IQCK: variants seen among roughly 807,000 people sequenced by gnomAD.
The protein encoded by IQCK is IQ domain-containing protein K.
A neutral mutation model predicts 28.1 loss-of-function variants in IQCK; 29 were observed. The observed-to-expected ratio is 1.03, with a 90% CI of 0.77 to 1.41. The LOEUF (loss-of-function observed/expected upper bound fraction) is 1.41, where lower values mean the gene tolerates loss of function less well. IQCK is among the 40% of genes most tolerant of loss of function. The probability of loss-of-function intolerance (pLI) is 0.00; values close to 1 mark genes in which losing one functional copy is unlikely to be tolerated. For synonymous variants in IQCK, 113 were observed against 115.1 expected, an observed-to-expected ratio of 0.98 and a Z score of 0.12; for missense variants, 359 against 314.7, an observed-to-expected ratio of 1.14 and a Z score of -1.07.
chr16:19,725,288 C>T (rs1344782563), intron 1 of IQCK, among the ~76,000 whole-genome samples: 1 of 152,092 alleles, frequency 6.6e-6, no homozygotes, highest in African/African-American at 2.4e-5. Context: ...CCTCAACCTC[C>T]CAGGCTCAGG....
chr16:19,810,797 C>T (rs1022338156), intron 7 of IQCK, among the ~76,000 whole-genome samples: 2 of 147,158 alleles, frequency 1.4e-5, no homozygotes, highest in Non-Finnish European at 3.0e-5. Flanking sequence ...CAGAGCAAGA[C>T]TCCAGCAAAA....
intron 9 of IQCK, among the ~76,000 whole-genome samples, chr16:19,842,028 TAG>T (rs1159458820): frequency 2.0e-5 from 3 of 152,114 alleles, no homozygotes; most frequent in Non-Finnish European, 4.4e-5. Context: ...GTATTTTTAG[TAG>T]AGACAGGGTT....
At chr16:19,738,188 C>G (rs2054782814) in intron 4 of IQCK, among the ~76,000 whole-genome samples, 1 of 152,054 alleles carries the variant, frequency 6.6e-6, no homozygotes, top group Non-Finnish European at 1.5e-5. Context: ...TAGAGTTGGC[C>G]CTTGATAAAT....
intron 9 of IQCK, among the ~76,000 whole-genome samples, chr16:19,844,641 C>T (rs896446105): frequency 2.0e-5 from 3 of 152,136 alleles, no homozygotes; most frequent in African/African-American, 7.2e-5. Flanking sequence ...TGAAAACGTT[C>T]GTGTTTTCTT....
At chr16:19,722,959 G>C (rs1296618059) in intron 1 of IQCK, among the ~76,000 whole-genome samples, 5 of 152,044 alleles carry the variant, frequency 3.3e-5, no homozygotes, top group Non-Finnish European at 7.4e-5. Flanking sequence ...TGATCCACCC[G>C]CCTCAGCCTC....
At chr16:19,826,174 TTTTG>T (rs894643490) in intron 7 of IQCK, among the ~76,000 whole-genome samples, 1 of 151,974 alleles carries the variant, frequency 6.6e-6, no homozygotes, top group African/African-American at 2.4e-5. Context: ...ACCCAGCTAA[TTTTG>T]TTTATTTTTT....
At chr16:19,739,102 C>T (rs1011658813) in intron 4 of IQCK, among the ~76,000 whole-genome samples, 2 of 152,192 alleles carry the variant, frequency 1.3e-5, no homozygotes, top group African/African-American at 2.4e-5. Context: ...GCAGCTTTCC[C>T]TCCTCTCTTA....
intron 7 of IQCK, among the ~76,000 whole-genome samples, chr16:19,791,689 AC>A (rs1386227422): frequency 6.9e-6 from 1 of 144,504 alleles, no homozygotes; most frequent in Non-Finnish European, 1.5e-5. Flanking sequence ...ATACCAACAA[AC>A]GCTGCCATAT....
rs186923130 is a variant in IQCK, at chr16:19,722,078, G to C, written c.181+3591G>C. 2.2e-4 allele frequency among the ~76,000 whole-genome samples: 33 copies of C among 152,172 alleles called. No homozygotes were observed. In the East Asian group the frequency reaches 6.0e-3, roughly 28 times the overall value. The stretch of plus-strand genomic sequence containing the variant: ...TTCCTCCAGCACAGCCACTGAGCCA[G>C]CTGAAGAAAGATGACCCCAACTGGC... On this transcript the variant is annotated intron_variant, in intron 1 of 7. Transcript: ENST00000564186.
intron 7 of IQCK, among the ~76,000 whole-genome samples, chr16:19,807,396 C>A (rs769310271): frequency 6.6e-6 from 1 of 152,196 alleles, no homozygotes; most frequent in Non-Finnish European, 1.5e-5. Flanking sequence ...GAGACCAATA[C>A]AATAACTCAG....
rs62025021 is a variant in IQCK at position 19,781,914 on chromosome 16, G to A, written c.606-6924G>A. Among the ~76,000 whole-genome samples the A allele has an allele frequency of 2.0e-3, 304 of 152,100 alleles. 3 individuals are homozygous for A. The highest frequency in any genetic ancestry group is 7.0e-3 in the African/African-American group (290 of 41,478). Reference sequence around the variant, plus strand: ...TGAGGAAGGAGAATTACTTGAACCCGGGAGGCAGAGGATGCAGTGAGCCGA... The same window carrying A: ...TGAGGAAGGAGAATTACTTGAACCCAGGAGGCAGAGGATGCAGTGAGCCGA... On this transcript the variant is annotated intron_variant, in intron 6 of 7. Transcript: ENST00000564186.
At chr16:19,762,895 A>G (rs562727466) in intron 4 of IQCK, among the ~76,000 whole-genome samples, 10 of 152,138 alleles carry the variant, frequency 6.6e-5, no homozygotes, top group Non-Finnish European at 1.2e-4. Context: ...GTGTGCCTGT[A>G]GTCTTGGGTA....
At chr16:19,754,674 A>G (rs1200096543) in intron 4 of IQCK, among the ~76,000 whole-genome samples, 1 of 151,664 alleles carries the variant, frequency 6.6e-6, no homozygotes, top group East Asian at 1.9e-4. Flanking sequence ...CCCATCTCAT[A>G]GTCATTCATT....
At chr16:19,779,443 C>A (rs913192657) in intron 6 of IQCK, among the ~76,000 whole-genome samples, 1 of 152,110 alleles carries the variant, frequency 6.6e-6, no homozygotes, top group African/African-American at 2.4e-5. Context: ...TAACAGTTCT[C>A]TTTTGAAAAT....
At chr16:19,763,099 C>T (rs990735885) in intron 4 of IQCK, among the ~76,000 whole-genome samples, 6 of 152,126 alleles carry the variant, frequency 3.9e-5, no homozygotes, top group African/African-American at 1.4e-4. Context: ...TTAACAGTCA[C>T]ACAAATTTTG....
At chr16:19,718,369 CTCG>C (rs773884386) in exon 1 of IQCK, 40 of 1,609,326 alleles carry the variant, frequency 2.5e-5, no homozygotes, top group Non-Finnish European at 3.0e-5. Context: ...GCTCTACAGA[CTCG>C]TCGTTCACCC....
intron 7 of IQCK, among the ~76,000 whole-genome samples, chr16:19,790,623 A>G (rs2055605102): frequency 8.7e-6 from 1 of 114,292 alleles, no homozygotes; most frequent in South Asian, 2.5e-4. Context: ...GCTACAATTA[A>G]TAACAAATAT....
intron 4 of IQCK, chr16:19,761,662 A>C (rs555773465): frequency 1.0e-5 from 3 of 289,870 alleles, no homozygotes; most frequent in South Asian, 9.6e-5. Flanking sequence ...TTGAAATGGA[A>C]ATAGAAGACA....
At chr16:19,737,933 T>G (rs2054780111) in intron 4 of IQCK, among the ~76,000 whole-genome samples, 1 of 152,184 alleles carries the variant, frequency 6.6e-6, no homozygotes, top group African/African-American at 2.4e-5. Context: ...TCTCTGAAGC[T>G]TCCAGTTCCC....
Sources: allele counts gnomAD v4.1 joint callset (sites outside exome capture counted in the v4.1 genomes callset), GRCh38; gene constraint gnomAD v4.1.1; transcripts MANE v1.5; gene names NCBI Gene and HGNC (gene_info 2026-07-23, HGNC 2026-07-21).